FBXO31: variants seen among roughly 807,000 people sequenced by gnomAD.
FBXO31 encodes the protein F-box protein 31.
In FBXO31, 24 loss-of-function variants were observed where a neutral mutation model predicts 54.4. The ratio of observed to expected loss-of-function variants is 0.44; its 90% CI spans 0.32 to 0.62. The LOEUF is 0.62. Among genes scored for constraint, FBXO31 ranks in the 20% least tolerant of loss-of-function variants. FBXO31 has a pLI of 0.05. For missense variants in FBXO31, 665 were observed against 787.1 expected (o/e 0.84, Z 1.86); for synonymous variants, 388 against 335.6 (o/e 1.16, Z -1.71).
At chr16:87,357,684 C>G (rs1597370683) in intron 2 of FBXO31, among the ~76,000 whole-genome samples, 1 of 152,076 alleles carries the variant, frequency 6.6e-6, no homozygotes, top group Admixed American at 6.6e-5. Flanking sequence ...GTACCTCATG[C>G]CTGTAATCCC....
chr16:87,383,125 C>T lies in FBXO31; in HGVS notation c.340+280G>A, dbSNP rs1163505991. On this transcript the variant is annotated intron_variant, in intron 1 of 8. Transcript: ENST00000311635. The surrounding 1 kb of genome is among the most constrained non-coding windows in gnomAD (Gnocchi z 4.9). ...GGTGTCCCGTGCCCCGCGTCAGGGC[C>T]TCTTCGATGCCTCCCTGACGCCCTC... is the stretch of plus-strand genomic sequence containing the variant. Among the ~76,000 whole-genome samples the T allele has an allele frequency of 6.6e-6, 1 of 152,072 alleles. No individual in the cohort carries two copies. Among genetic ancestry groups the T allele is most frequent in the Non-Finnish European group, 1.5e-5 (1 of 67,990 alleles).
At chr16:87,332,258 A>T (rs1258391609) in intron 8 of FBXO31, among the ~76,000 whole-genome samples, 1 of 152,200 alleles carries the variant, frequency 6.6e-6, no homozygotes, top group Admixed American at 6.5e-5. Flanking sequence ...AAAAAGCAAC[A>T]GGCATTCCCT....
At position 87,338,743 on chromosome 16, in the gene FBXO31, A is replaced by G. The variant is rs142514634; in HGVS notation, c.733-2479T>C. Among the ~76,000 whole-genome samples, 137 of 152,226 alleles carry G rather than the reference A, an allele frequency of 9.0e-4. 1 individual carries two copies. Among genetic ancestry groups the G allele is most frequent in the African/African-American group, 3.1e-3 (127 of 41,538 alleles). On this transcript the variant is annotated intron_variant, in intron 5 of 8. Transcript: ENST00000311635. The surrounding 1 kb of genome is among the most constrained non-coding windows in gnomAD (Gnocchi z 4.3). ...ATTGCCCTCGAAGCCTCCCCTGTCC[A>G]GAGCCTGGCCCCTCCAACCTCCCTG...
At chr16:87,348,160 C>T (rs1228705120) in intron 2 of FBXO31, among the ~76,000 whole-genome samples, 1 of 152,188 alleles carries the variant, frequency 6.6e-6, no homozygotes, top group Admixed American at 6.5e-5. Flanking sequence ...TGCCTCTCTC[C>T]ACGACTCCCT....
In FBXO31 at chr16:87,344,609, C is replaced by T. The variant is rs185636036; in HGVS notation, c.490-844G>A. 3.6e-3 allele frequency among the ~76,000 whole-genome samples: 549 copies of T among 152,226 alleles called. 4 individuals are homozygous for T. Among genetic ancestry groups the T allele is most frequent in the South Asian group, 0.019 (94 of 4,826 alleles). Reference sequence around the variant, plus strand: ...GCTGTTCTCTCACAGACTCCACTTTCCCCAATTATCCACTGCTTTTTGTTT... The same window carrying T: ...GCTGTTCTCTCACAGACTCCACTTTTCCCAATTATCCACTGCTTTTTGTTT... On this transcript the variant is annotated intron_variant, in intron 3 of 8. Transcript: ENST00000311635.
chr16:87,391,595 C>G (rs1336369761), upstream of FBXO31: 1 of 152,350 alleles, frequency 6.6e-6, no homozygotes, highest in East Asian at 1.9e-4. Flanking sequence ...GAAAATCTTA[C>G]AGCCACCAGG....
chr16:87,349,637 G>C (rs1301723640), intron 2 of FBXO31, among the ~76,000 whole-genome samples: 1 of 152,114 alleles, frequency 6.6e-6, no homozygotes, highest in Non-Finnish European at 1.5e-5. Flanking sequence ...CTTGAACAGG[G>C]AGGCGGAGGC....
At chr16:87,357,656 A>G (rs947715005) in intron 2 of FBXO31, among the ~76,000 whole-genome samples, 1 of 152,144 alleles carries the variant, frequency 6.6e-6, no homozygotes, top group African/African-American at 2.4e-5. Context: ...CTAAAGAGTC[A>G]ACTGTTAGCC....
intron 1 of FBXO31, among the ~76,000 whole-genome samples, chr16:87,364,192 G>A (rs562143289): frequency 1.3e-5 from 2 of 152,322 alleles, no homozygotes; most frequent in African/African-American, 4.8e-5. Flanking sequence ...ACAAAGTGCG[G>A]CAACAGGGAC....
intron 7 of FBXO31, among the ~76,000 whole-genome samples, chr16:87,334,795 G>T (rs1279407124): frequency 4.6e-5 from 7 of 152,236 alleles, no homozygotes; most frequent in African/African-American, 1.4e-4. Flanking sequence ...CGGGCAGCAT[G>T]TGCCAGGAGC....
At chr16:87,381,142 C>T (rs1907058662) in intron 1 of FBXO31, among the ~76,000 whole-genome samples, 1 of 152,108 alleles carries the variant, frequency 6.6e-6, no homozygotes. Context: ...AGTGGAACTG[C>T]CTTTGTCTCA....
At chr16:87,382,208 T>G (rs1401430493) in intron 1 of FBXO31, among the ~76,000 whole-genome samples, 1 of 152,022 alleles carries the variant, frequency 6.6e-6, no homozygotes, top group East Asian at 1.9e-4. Context: ...ATGCAGGGAG[T>G]GAAATACTAT....
At position 87,336,340 on chromosome 16, in the gene FBXO31, G is replaced by T; in HGVS notation, c.733-76C>A. On this transcript the variant is annotated intron_variant, in intron 5 of 8. Transcript: ENST00000311635. The surrounding 1 kb of genome is among the most constrained non-coding windows in gnomAD (Gnocchi z 6.5). Reference sequence around the variant, plus strand: ...GAGGCTGCCGGCTGTGCCGCTGAGAGGACACAGTGTGTCCTTCTTTGTCAG... The same window carrying T: ...GAGGCTGCCGGCTGTGCCGCTGAGATGACACAGTGTGTCCTTCTTTGTCAG... 2 of 1,329,344 alleles carry T rather than the reference G, an allele frequency of 1.5e-6. No individual in the cohort carries two copies. Among genetic ancestry groups the T allele is most frequent in the South Asian group, 1.2e-5 (1 of 84,412 alleles). 82.3% of individuals were successfully genotyped at this position (1,329,344 alleles called of 1,614,324 possible).
At chr16:87,360,527 C>A in intron 1 of FBXO31, 161 bp from the exon 2 acceptor site, 1 of 640,272 alleles carries the variant, frequency 1.6e-6, no homozygotes, top group Non-Finnish European at 2.8e-6. Flanking sequence ...TCTCCACATT[C>A]AGTAAACACC....
intron 1 of FBXO31, among the ~76,000 whole-genome samples, chr16:87,369,445 C>CCTTT (rs970866111): frequency 2.6e-5 from 4 of 152,176 alleles, no homozygotes; most frequent in African/African-American, 9.7e-5. Context: ...CCGTACTTGT[C>CCTTT]CTTTGGTGAC....
chr16:87,353,862 T>G (rs1002108646), intron 2 of FBXO31, among the ~76,000 whole-genome samples: 3 of 152,210 alleles, frequency 2.0e-5, no homozygotes, highest in Non-Finnish European at 4.4e-5. Context: ...AAAGTGGGTT[T>G]CTGTTATTTT....
At chr16:87,365,485 G>T (rs540952505) in intron 1 of FBXO31, among the ~76,000 whole-genome samples, 1 of 152,180 alleles carries the variant, frequency 6.6e-6, no homozygotes, top group African/African-American at 2.4e-5. Flanking sequence ...GAGCCAGGCC[G>T]CTCTGGGCGT....
intron 1 of FBXO31, among the ~76,000 whole-genome samples, chr16:87,375,104 G>A (rs1468868065): frequency 6.6e-6 from 1 of 152,128 alleles, no homozygotes; most frequent in African/African-American, 2.4e-5. Context: ...GGATCACAAG[G>A]TTAGGAGATC....
At chr16:87,365,597 G>C (rs561341866) in intron 1 of FBXO31, among the ~76,000 whole-genome samples, 6 of 152,202 alleles carry the variant, frequency 3.9e-5, no homozygotes, top group Non-Finnish European at 7.3e-5. Flanking sequence ...AGCCCTGCAC[G>C]GGCTGTGAAC....
Sources: gnomAD v4.1 joint callset for allele counts (sites outside exome capture counted in the v4.1 genomes callset) on GRCh38, gnomAD v4.1.1 for gene constraint, Gnocchi (gnomAD v3.1) non-coding constraint, MANE v1.5 for transcripts, NCBI Gene and HGNC (gene_info 2026-07-23, HGNC 2026-07-21) for gene names.